The following DCHS2 variants were observed in gnomAD, a reference collection of about 807,000 sequenced individuals.
DCHS2 encodes dachsous cadherin-related 2.
A neutral mutation model predicts 182.4 loss-of-function variants in DCHS2; 142 were observed. That is an observed-to-expected ratio of 0.78 (90% CI 0.68 to 0.89). DCHS2 has a LOEUF of 0.89. Ranked by LOEUF, DCHS2 falls within the 40% of genes least tolerant of loss-of-function variation. The pLI is 0.00. For missense variants in DCHS2, 4,319 were observed against 4,198.6 expected, an observed-to-expected ratio of 1.03 and a Z score of -0.79; for synonymous variants, 1,740 against 1,663.3, an observed-to-expected ratio of 1.05 and a Z score of -1.12.
At chr4:154,310,054 T>C (rs1269370084) in intron 10 of DCHS2, among the ~76,000 whole-genome samples, 1 of 152,194 alleles carries the variant, frequency 6.6e-6, no homozygotes, top group Non-Finnish European at 1.5e-5. Context: ...GTGGCAGGTA[T>C]AATAAATACC....
chr4:154,268,587 G>C (rs1733415228), intron 14 of DCHS2, among the ~76,000 whole-genome samples: 1 of 152,158 alleles, frequency 6.6e-6, no homozygotes. Context: ...TTGACCACAG[G>C]TAACTAAGCC....
At chr4:154,463,174 T>TAC (rs59327032) in intron 1 of DCHS2, among the ~76,000 whole-genome samples, 109,332 of 148,058 alleles carry the variant, frequency 0.74, 41,233 homozygotes, top group East Asian at 0.86. Context: ...TATATATATA[T>TAC]ACACACACAC....
chr4:154,235,792 A>AGGT lies in DCHS2; in HGVS notation c.8857_8859dup (p.Thr2953dup), dbSNP rs1210826461. ...CTATGAGCGATTATTTTCATTTCCA[A>AGGT]GGTGTCTTCTTTGTTGAGTTGACTT... On this transcript the variant is annotated inframe_insertion, in exon 20 of 20. Transcript: ENST00000357232. 6.2e-7 allele frequency: 1 copy of AGGT among 1,613,920 alleles called. No homozygotes were observed. The highest frequency in any genetic ancestry group is 1.3e-5 in the African/African-American group (1 of 74,996).
chr4:154,491,044 C>T lies in DCHS2; in HGVS notation c.312G>A (p.Ser104=), dbSNP rs771343500. ...QQQEGSGFFL[S]EDSDDSPLLD... is the part of the protein sequence containing the mutation. Reference sequence around the variant, plus strand: ...GCAGCGGGGAGTCATCGGAGTCCTCCGACAGAAAGAAGCCGCTCCCCTCCT... The same window carrying T: ...GCAGCGGGGAGTCATCGGAGTCCTCTGACAGAAAGAAGCCGCTCCCCTCCT... The change falls in exon 1 of 20, where the codon TCG becomes TCA. Residue 104 remains serine (S), a synonymous_variant. Transcript: ENST00000357232. 6.4e-7 allele frequency: 1 copy of T among 1,551,086 alleles called. No individual in the cohort carries two copies. Among genetic ancestry groups the T allele is most frequent in the African/African-American group, 1.4e-5 (1 of 73,156 alleles).
In DCHS2 at chr4:154,251,649, G is replaced by T. The variant is rs558124504; in HGVS notation, c.6941+3870C>A. ...TTCTCCTGCCTCAGCCTCCCGAGTAGCTGGGATTACAGGAGCCCGCCACCA... is the reference window on the plus strand; with the variant it reads ...TTCTCCTGCCTCAGCCTCCCGAGTATCTGGGATTACAGGAGCCCGCCACCA... On this transcript the variant is annotated intron_variant, in intron 16 of 19. Transcript: ENST00000357232. Among the ~76,000 whole-genome samples, 6 of 152,286 alleles carry T rather than the reference G, an allele frequency of 3.9e-5. No individual in the cohort carries two copies. The South Asian group carries it at 1.0e-3, about 26-fold the overall frequency.
intron 2 of DCHS2, among the ~76,000 whole-genome samples, chr4:154,374,892 G>A (rs940371837): frequency 2.0e-5 from 3 of 152,052 alleles, no homozygotes; most frequent in Admixed American, 6.6e-5. Context: ...AGCGCAGAAC[G>A]GTGTGTATAG....
At chr4:154,382,493 T>C (rs1464439911) in intron 1 of DCHS2, among the ~76,000 whole-genome samples, 1 of 151,942 alleles carries the variant, frequency 6.6e-6, no homozygotes, top group African/African-American at 2.4e-5. Context: ...AATTGACAAG[T>C]GGAATCGAAT....
chr4:154,293,906 C>T (rs1033033027), intron 13 of DCHS2, among the ~76,000 whole-genome samples: 6 of 152,210 alleles, frequency 3.9e-5, no homozygotes, highest in Non-Finnish European at 8.8e-5. Flanking sequence ...AAGCTTTGTG[C>T]ATGACATTTC....
chr4:154,320,499 C>A lies in DCHS2; in HGVS notation c.4900G>T (p.Val1634Leu), dbSNP rs772754483. The change falls in exon 9 of 20, where the codon GTG becomes TTG. Residue 1634 changes from valine to leucine, a missense_variant. Coordinates refer to ENST00000357232, the MANE Select transcript of DCHS2 (RefSeq NM_001358235.2). ...GTTATGTGGTGGACCAAGGAGCCCA[C>A]TGTGACATCCTCTTTGACATGGGCA... Reference protein sequence around the residue: ...PNAHVKEDVTVGSLVHHITAH... With the variant: ...PNAHVKEDVTLGSLVHHITAH... 6.2e-7 allele frequency: 1 copy of A among 1,613,964 alleles called. No homozygotes were observed. Among genetic ancestry groups the A allele is most frequent in the Non-Finnish European group, 8.5e-7 (1 of 1,180,008 alleles).
At chr4:154,468,063 C>T (rs938170799) in intron 1 of DCHS2, among the ~76,000 whole-genome samples, 3 of 152,064 alleles carry the variant, frequency 2.0e-5, no homozygotes. Flanking sequence ...ACCTCATCAG[C>T]TTGCTATTTG....
At chr4:154,285,869 G>A (rs1420679320) in intron 13 of DCHS2, among the ~76,000 whole-genome samples, 3 of 152,126 alleles carry the variant, frequency 2.0e-5, no homozygotes, top group Non-Finnish European at 4.4e-5. Flanking sequence ...GGGGCCTTGA[G>A]TGAACATAGC....
At chr4:154,261,431 T>C (rs1013232537) in intron 14 of DCHS2, among the ~76,000 whole-genome samples, 5 of 152,202 alleles carry the variant, frequency 3.3e-5, no homozygotes, top group Non-Finnish European at 7.4e-5. Context: ...AGAGAACATT[T>C]AATAGCCATC....
chr4:154,381,021 T>C (rs1213212155), intron 1 of DCHS2, among the ~76,000 whole-genome samples: 2 of 152,104 alleles, frequency 1.3e-5, no homozygotes, highest in East Asian at 1.9e-4. Flanking sequence ...TCTCCAAAGA[T>C]GATTGTTTAA....
chr4:154,355,430 C>T (rs886367269), intron 3 of DCHS2, among the ~76,000 whole-genome samples: 1 of 152,170 alleles, frequency 6.6e-6, no homozygotes, highest in African/African-American at 2.4e-5. Flanking sequence ...AATTTCCTGC[C>T]CCTTTCCCAG....
chr4:154,368,641 C>T (rs202102583), intron 2 of DCHS2, among the ~76,000 whole-genome samples: 1 of 151,980 alleles, frequency 6.6e-6, no homozygotes, highest in African/African-American at 2.4e-5. Flanking sequence ...CTCAGCCTCC[C>T]GAATAGCTGG....
At chr4:154,238,656 C>T (rs1318761139) in intron 19 of DCHS2, among the ~76,000 whole-genome samples, 1 of 152,110 alleles carries the variant, frequency 6.6e-6, no homozygotes, top group African/African-American at 2.4e-5. Context: ...ACCAAAACAC[C>T]ACAGTGGTTT....
chr4:154,235,193 C>T lies in DCHS2; in HGVS notation c.9459G>A (p.Val3153=), dbSNP rs1731401474. 2 of 1,614,098 alleles carry T rather than the reference C, an allele frequency of 1.2e-6. No homozygotes were observed. Among genetic ancestry groups the T allele is most frequent in the South Asian group, 2.2e-5 (2 of 91,084 alleles). The change falls in exon 20 of 20, where the codon GTG becomes GTA. Residue 3153 remains valine (V), a synonymous_variant. Transcript: ENST00000357232. ...GGCTGGCTTCTGCTGTTTCGGCAGT[C>T]ACCATCACATCAGTTTCCCCAGATA... ...SCLSGETDVM[V]TAETAEASQT...
chr4:154,370,282 C>T (rs1037983868), intron 2 of DCHS2, among the ~76,000 whole-genome samples: 1 of 151,720 alleles, frequency 6.6e-6, no homozygotes, highest in East Asian at 1.9e-4. Flanking sequence ...GGTTATGGCA[C>T]GACAGTAACC....
chr4:154,354,200 A>G (rs1319977664), intron 3 of DCHS2, among the ~76,000 whole-genome samples: 2 of 152,230 alleles, frequency 1.3e-5, no homozygotes, highest in South Asian at 2.1e-4. Context: ...TGTTAGGATT[A>G]CAGGTGTGAG....
Sources: allele counts gnomAD v4.1 joint callset (sites outside exome capture counted in the v4.1 genomes callset), GRCh38; gene constraint gnomAD v4.1.1; transcripts MANE v1.5; gene names NCBI Gene and HGNC (gene_info 2026-07-23, HGNC 2026-07-21).